Variants in HOXB13 observed in about 807,000 individuals in gnomAD.
HOXB13 encodes homeobox B13.
Under a neutral mutation model 23.1 loss-of-function variants are expected in HOXB13, and 22 were observed. That is an observed-to-expected ratio of 0.95 (90% CI 0.68 to 1.36). The LOEUF (loss-of-function observed/expected upper bound fraction) is 1.36. Among genes scored for constraint, HOXB13 ranks in the 40% most tolerant of loss-of-function variants. The pLI, the probability that HOXB13 is intolerant of heterozygous loss-of-function variation, is 0.00. For missense variants in HOXB13, 386 were observed against 376.2 expected, an observed-to-expected ratio of 1.03 and a Z score of -0.22; for synonymous variants, 173 against 157.9, an observed-to-expected ratio of 1.10 and a Z score of -0.72.
chr17:48,727,965 A>T (rs2038227993), intron 1 of HOXB13, 28 bp downstream of exon 1: 1 of 1,598,060 alleles, frequency 6.3e-7, no homozygotes, highest in African/African-American at 1.3e-5. Flanking sequence ...AGGCTCAGAG[A>T]CAAGGGGACC....
Position 48,727,443 on chromosome 17 carries a change from G to A in HOXB13, c.602-400C>T, listed in dbSNP as rs953253356. 8.0e-5 allele frequency among the ~76,000 whole-genome samples: 11 copies of A among 137,574 alleles called. No homozygotes were observed. In the South Asian group the frequency reaches 1.3e-3, roughly 16 times the overall value. 90.3% of individuals were successfully genotyped at this position (137,574 alleles called of 152,430 possible). On this transcript the variant is annotated intron_variant, in intron 1 of 1. Transcript: ENST00000290295. The stretch of plus-strand genomic sequence containing the variant: ...TTCTGCCCCCACTCCCAATACATGC[G>A]CATACACACACACACACACACATTA...
At position 48,728,502 on chromosome 17, in the gene HOXB13, G is replaced by A. The variant is rs758169931; in HGVS notation, c.92C>T (p.Ser31Phe). The A allele has an allele frequency of 1.2e-6, 2 of 1,613,508 alleles. No individual in the cohort carries two copies. The highest frequency in any genetic ancestry group is 1.1e-5 in the South Asian group (1 of 91,070). The part of the protein sequence containing the change: ...AGGGRNLVAH[S>F]PLTSHPAAPT... Reference sequence around the variant, plus strand: ...CGCCGCTGGGTGGCTGGTCAGAGGGGAGTGGGCGACCAGATTCCGCCCCCC... The same window carrying A: ...CGCCGCTGGGTGGCTGGTCAGAGGGAAGTGGGCGACCAGATTCCGCCCCCC... The change falls in exon 1 of 2, where the codon TCC (serine) becomes TTC (phenylalanine). Residue 31 changes from serine (S) to phenylalanine (F), a missense_variant. Transcript: ENST00000290295.
At position 48,726,592 on chromosome 17, in the gene HOXB13, A is replaced by T. The variant is rs1308551549; in HGVS notation, c.*198T>A. On this transcript the variant is annotated 3_prime_UTR_variant, in exon 2 of 2. Coordinates refer to ENST00000290295, the MANE Select transcript of HOXB13 (RefSeq NM_006361.6). ...GGGAACCCTGGTGGAGTGGGCTGTC[A>T]CATGGGGTTCCGTCTCCCTGCACAT... The T allele has an allele frequency of 1.6e-6, 1 of 623,172 alleles. No individual in the cohort carries two copies. The highest frequency in any genetic ancestry group is 2.8e-6 in the Non-Finnish European group (1 of 361,486). 38.6% of individuals were successfully genotyped at this position (623,172 alleles called of 1,614,324 possible).
chr17:48,727,530 T>C lies in HOXB13; in HGVS notation c.601+463A>G, dbSNP rs16970003. ...GGAAACCTAAATTTTTCTTTGGAAA[T>C]TGGAAAACTCATCTAATAGAAAGTG... On this transcript the variant is annotated intron_variant, in intron 1 of 1. Transcript: ENST00000290295. Among the ~76,000 whole-genome samples the C allele has an allele frequency of 7.4e-3, 1,127 of 152,178 alleles. 18 individuals are homozygous for C. The highest frequency in any genetic ancestry group is 0.062 in the East Asian group (319 of 5,172).
chr17:48,726,970 C>G lies in HOXB13; in HGVS notation c.675G>C (p.Lys225Asn). 2 of 1,613,394 alleles carry G rather than the reference C, an allele frequency of 1.2e-6. No homozygotes were observed. Among genetic ancestry groups the G allele is most frequent in the Non-Finnish European group, 1.7e-6 (2 of 1,180,028 alleles). ...CCCGCTCCAGCTCCCGCAACTGCCC[C>G]TTGCTGTACGGAATGCGTTTCTTGC... ...RGRKKRIPYS[K>N]GQLRELEREY... The change falls in exon 2 of 2, where the codon AAG (lysine) becomes AAC (asparagine). Residue 225 changes from lysine (K) to asparagine (N), a missense_variant. By Grantham distance (94) the Lys-to-Asn change is moderately conservative. Transcript: ENST00000290295.
rs762994956 is a variant in HOXB13, at chr17:48,728,600, G to A, written c.-7C>T. ...CATAATTGCCGGGCTCCATGGAGCC[G>A]AGGGTCGGCTCATGAGGTGCGGGGG... On this transcript the variant is annotated 5_prime_UTR_variant, in exon 1 of 2. Transcript: ENST00000290295. The A allele has an allele frequency of 1.9e-6, 3 of 1,611,438 alleles. No individual in the cohort carries two copies. Among genetic ancestry groups the A allele is most frequent in the Non-Finnish European group, 2.5e-6 (3 of 1,179,802 alleles).
Position 48,726,710 on chromosome 17 carries a change from C to A in HOXB13, c.*80G>T. Reference sequence around the variant, plus strand: ...AGGGGCCTCTCAGCAGAGTCCTTGGCCCCAGCCTGGGCTTGGCAGGTTCCT... The same window carrying A: ...AGGGGCCTCTCAGCAGAGTCCTTGGACCCAGCCTGGGCTTGGCAGGTTCCT... On this transcript the variant is annotated 3_prime_UTR_variant, in exon 2 of 2. Coordinates refer to ENST00000290295, the MANE Select transcript of HOXB13 (RefSeq NM_006361.6). The A allele has an allele frequency of 6.5e-7, 1 of 1,547,638 alleles. No individual in the cohort carries two copies. Among genetic ancestry groups the A allele is most frequent in the Non-Finnish European group, 8.8e-7 (1 of 1,140,816 alleles).
Position 48,728,583 on chromosome 17 carries a change from C to A in HOXB13, c.11G>T (p.Gly4Val), listed in dbSNP as rs776869015. 3.7e-6 allele frequency: 6 copies of A among 1,612,018 alleles called. No individual in the cohort carries two copies. In the East Asian group the frequency reaches 1.3e-4, roughly 36 times the overall value. ...GGCTCCATCCAAGGTGGCATAATTG[C>A]CGGGCTCCATGGAGCCGAGGGTCGG... The part of the protein sequence containing the change: MEP[G>V]NYATLDGAKD... The change falls in exon 1 of 2, where the codon GGC becomes GTC. Residue 4 changes from glycine (G) to valine (V), a missense_variant. Transcript: ENST00000290295.
rs773491778 is a variant in HOXB13 at position 48,728,478 on chromosome 17, G to T, written c.116C>A (p.Ala39Glu). Residue 39 changes from alanine to glutamate, a missense_variant, in exon 1 of 2, where the codon GCG becomes GAG. Transcript: ENST00000290295. ...AHSPLTSHPA[A>E]PTLMPAVNYA... ...GTTGACAGCAGGCATCAGCGTAGGC[G>T]CCGCTGGGTGGCTGGTCAGAGGGGA... The T allele has an allele frequency of 1.2e-6, 2 of 1,613,212 alleles. No homozygotes were observed. Among genetic ancestry groups the T allele is most frequent in the South Asian group, 2.2e-5 (2 of 91,036 alleles).
At position 48,728,190 on chromosome 17, in the gene HOXB13, C is replaced by T. The variant is rs769634543; in HGVS notation, c.404G>A (p.Gly135Glu). Residue 135 changes from glycine to glutamate, a missense_variant, in exon 1 of 2, where the codon GGA (glycine) becomes GAA (glutamate). Transcript: ENST00000290295. ...GTAACTGGCCATAGGCTGGTAGGTT[C>T]CCGGATATCCCGGATAGAAGGCAAA... ...TEFAFYPGYP[G>E]TYQPMASYLD... is the part of the protein sequence containing the mutation. 1 of 1,614,194 alleles carries T rather than the reference C, an allele frequency of 6.2e-7. No individual in the cohort carries two copies. Among genetic ancestry groups the T allele is most frequent in the East Asian group, 2.2e-5 (1 of 44,862 alleles).
In HOXB13 at chr17:48,728,722, C is replaced by A. The variant is rs1597935763; in HGVS notation, c.-129G>T. The A allele has an allele frequency of 1.2e-6, 1 of 852,134 alleles. No individual in the cohort carries two copies. Among genetic ancestry groups the A allele is most frequent in the Non-Finnish European group, 1.8e-6 (1 of 551,628 alleles). The allele number at this position is 852,134 out of a possible 1,614,324, so 52.8% of individuals were successfully genotyped here. ...TCCCAGCTCGCAAGTCGCCTGCATTCGCTCAGCACGGCCGTCTTGACGCAA... is the reference window on the plus strand; with the variant it reads ...TCCCAGCTCGCAAGTCGCCTGCATTAGCTCAGCACGGCCGTCTTGACGCAA... On this transcript the variant is annotated 5_prime_UTR_variant, in exon 1 of 2. Transcript: ENST00000290295.
In HOXB13 at chr17:48,724,889, C is replaced by T; in HGVS notation, c.*1901G>A. 1 of 389,336 alleles carries T rather than the reference C, an allele frequency of 2.6e-6. No individual in the cohort carries two copies. Among genetic ancestry groups the T allele is most frequent in the Admixed American group, 4.5e-5 (1 of 22,218 alleles). The allele number at this position is 389,336 out of a possible 1,614,324, so 24.1% of individuals were successfully genotyped here. A position where few individuals can be genotyped will look rare whatever the true frequency, so the allele number is the denominator to read the frequency against. On this transcript the variant is annotated 3_prime_UTR_variant, in exon 2 of 2. Coordinates refer to ENST00000290295, the MANE Select transcript of HOXB13 (RefSeq NM_006361.6). ...GGTTCCAGACCCCCAAAGGTCTCTA[C>T]CAGGGCCATCTCCGTTAGTGGCGGT...
rs754487444 is a variant in HOXB13, at chr17:48,726,938, G to A, written c.707C>T (p.Ala236Val). The change falls in exon 2 of 2, where the codon GCG becomes GTG. Residue 236 changes from alanine to valine, a missense_variant. Transcript: ENST00000290295. ...GQLRELEREY[A>V]ANKFITKDKR... ...GTCCTTGGTGATGAACTTGTTAGCCGCATACTCCCGCTCCAGCTCCCGCAA... is the reference window on the plus strand; with the variant it reads ...GTCCTTGGTGATGAACTTGTTAGCCACATACTCCCGCTCCAGCTCCCGCAA... The A allele has an allele frequency of 1.2e-6, 2 of 1,613,780 alleles. No individual in the cohort carries two copies. The highest frequency in any genetic ancestry group is 1.7e-4 in the Middle Eastern group (1 of 6,060).
At chr17:48,727,890 T>A in intron 1 of HOXB13, 103 bp downstream of exon 1, 1 of 1,395,588 alleles carries the variant, frequency 7.2e-7, no homozygotes, top group Non-Finnish European at 9.7e-7. Flanking sequence ...ACCAAGCTCA[T>A]CCTCACCAGC....
Position 48,726,781 on chromosome 17 carries a change from G to A in HOXB13, c.*9C>T. 1 of 1,612,422 alleles carries A rather than the reference G, an allele frequency of 6.2e-7. No homozygotes were observed. Among genetic ancestry groups the A allele is most frequent in the South Asian group, 1.1e-5 (1 of 91,060 alleles). ...ACTTTCGCTCCTCCCACCCAGGCAA[G>A]GAGATCTCTTAAGGGGTAGCGCTGT... On this transcript the variant is annotated 3_prime_UTR_variant, in exon 2 of 2. Transcript: ENST00000290295.
chr17:48,726,647 A>T lies in HOXB13; in HGVS notation c.*143T>A, dbSNP rs995830495. 4 of 1,046,752 alleles carry T rather than the reference A, an allele frequency of 3.8e-6. No individual in the cohort carries two copies. The highest frequency in any genetic ancestry group is 2.6e-5 in the East Asian group (1 of 38,416). The allele number at this position is 1,046,752 out of a possible 1,614,324, so 64.8% of individuals were successfully genotyped here. ...GGTACCCAGGCCGCTCCTGAGGAAC[A>T]GTCCAGCAGCCAGTGGCCTGGGAAG... On this transcript the variant is annotated 3_prime_UTR_variant, in exon 2 of 2. Coordinates refer to ENST00000290295, the MANE Select transcript of HOXB13 (RefSeq NM_006361.6).
At position 48,728,348 on chromosome 17, in the gene HOXB13, G is replaced by A. The variant is rs1597934677; in HGVS notation, c.246C>T (p.Tyr82=). ...GTSPAPVPYG[Y]FGGGYYSCRV... is the part of the protein sequence containing the mutation. ...GGCAGGAGTAGTACCCGCCTCCAAA[G>A]TAACCATAAGGCACGGGAGCTGGGG... is the stretch of plus-strand genomic sequence containing the variant. Residue 82 remains tyrosine, a synonymous_variant, in exon 1 of 2, where the codon TAC becomes TAT. Coordinates refer to ENST00000290295, the MANE Select transcript of HOXB13 (RefSeq NM_006361.6). 6.2e-7 allele frequency: 1 copy of A among 1,613,888 alleles called. No homozygotes were observed. The highest frequency in any genetic ancestry group is 8.5e-7 in the Non-Finnish European group (1 of 1,180,024).
Position 48,728,374 on chromosome 17 carries a change from A to G in HOXB13, c.220T>C (p.Ser74Pro). The G allele has an allele frequency of 1.9e-6, 3 of 1,613,782 alleles. No individual in the cohort carries two copies. The highest frequency in any genetic ancestry group is 2.2e-5 in the East Asian group (1 of 44,858). ...TAACCATAAGGCACGGGAGCTGGGG[A>G]CGTCCCCTGGGGCACCCCAGGGCAT... ...HPCPGVPQGT[S>P]PAPVPYGYFG... The change falls in exon 1 of 2, where the codon TCC becomes CCC. Residue 74 changes from serine to proline, a missense_variant. Ser to Pro is a moderately conservative substitution (Grantham distance 74). Coordinates refer to ENST00000290295, the MANE Select transcript of HOXB13 (RefSeq NM_006361.6).
Position 48,728,262 on chromosome 17 carries a change from G to A in HOXB13, c.332C>T (p.Ala111Val), listed in dbSNP as rs781117900. 6 of 1,614,048 alleles carry A rather than the reference G, an allele frequency of 3.7e-6. No homozygotes were observed. The highest frequency in any genetic ancestry group is 1.7e-5 in the Admixed American group (1 of 60,008). The change falls in exon 1 of 2, where the codon GCG becomes GTG. Residue 111 changes from alanine to valine, a missense_variant. Physicochemically the swap from Ala to Val is moderately conservative, Grantham distance 64. Coordinates refer to ENST00000290295, the MANE Select transcript of HOXB13 (RefSeq NM_006361.6). ...CTCTTCCCCGGCCGTGGGAGTCTCCGCGGGGTACGCGGCCAGGGTGGCTGC... is the reference window on the plus strand; with the variant it reads ...CTCTTCCCCGGCCGTGGGAGTCTCCACGGGGTACGCGGCCAGGGTGGCTGC... ...AQAATLAAYP[A>V]ETPTAGEEYP...
Sources: allele counts gnomAD v4.1 joint callset (sites outside exome capture counted in the v4.1 genomes callset), GRCh38; gene constraint gnomAD v4.1.1; transcripts MANE v1.5; gene names NCBI Gene and HGNC (gene_info 2026-07-23, HGNC 2026-07-21).